SHD: variants seen among roughly 807,000 people sequenced by gnomAD.
SHD encodes SH2 domain-containing adapter protein D.
SHD carries 29 observed loss-of-function variants against 31.2 expected under a neutral mutation model. That is an observed-to-expected ratio of 0.93 (90% CI 0.69 to 1.27). The LOEUF (loss-of-function observed/expected upper bound fraction) is 1.27, where lower values mean the gene tolerates loss of function less well. SHD is among the 50% of genes most tolerant of loss of function. SHD has a pLI of 0.00. For missense variants in SHD, 520 were observed against 453.8 expected, an observed-to-expected ratio of 1.15 and a Z score of -1.33; for synonymous variants, 208 against 187.8, an observed-to-expected ratio of 1.11 and a Z score of -0.88.
At chr19:4,285,355 G>A (rs576779029) in intron 4 of SHD, among the ~76,000 whole-genome samples, 1 of 152,264 alleles carries the variant, frequency 6.6e-6, no homozygotes, top group African/African-American at 2.4e-5. Context: ...ACAGCTCCGT[G>A]CTGGGGTGGC....
chr19:4,290,644 C>A lies in SHD; in HGVS notation c.*11C>A. The A allele has an allele frequency of 6.3e-7, 1 of 1,579,554 alleles. No individual in the cohort carries two copies. Among genetic ancestry groups the A allele is most frequent in the Non-Finnish European group, 8.6e-7 (1 of 1,159,708 alleles). On this transcript the variant is annotated 3_prime_UTR_variant, in exon 6 of 6. Coordinates refer to ENST00000543264, the MANE Select transcript of SHD (RefSeq NM_020209.4). ...ACGCAGACCCCCTGACAGTGACCCT[C>A]GGCCCCCTTTTGAGTCCTCGGGCCC...
rs556908716 is a variant in SHD, at chr19:4,282,279, G to T, written c.298-591G>T. Reference sequence around the variant, plus strand: ...TACTAAAAATGCAAAAATTAGCCAGGTTTGGTGGCCGGCACCAGTAATTCC... The same window carrying T: ...TACTAAAAATGCAAAAATTAGCCAGTTTTGGTGGCCGGCACCAGTAATTCC... On this transcript the variant is annotated intron_variant, in intron 1 of 5. Transcript: ENST00000543264. Among the ~76,000 whole-genome samples the T allele has an allele frequency of 8.8e-3, 1,346 of 152,104 alleles. 20 individuals are homozygous for T. Among genetic ancestry groups the T allele is most frequent in the African/African-American group, 0.03 (1,252 of 41,508 alleles).
chr19:4,284,699 C>A (rs1278711834), intron 3 of SHD, 82 bp from the exon 4 acceptor site: 2 of 1,372,128 alleles, frequency 1.5e-6, no homozygotes, highest in Admixed American at 2.7e-5. Context: ...TGCCTTTCTA[C>A]CGAGATTCCA....
At position 4,290,703 on chromosome 19, in the gene SHD, A is replaced by C; in HGVS notation, c.*70A>C. 1 of 1,443,254 alleles carries C rather than the reference A, an allele frequency of 6.9e-7. No homozygotes were observed. Among genetic ancestry groups the C allele is most frequent in the South Asian group, 1.4e-5 (1 of 71,712 alleles). The allele number at this position is 1,443,254 out of a possible 1,614,324, so 89.4% of individuals were successfully genotyped here. On this transcript the variant is annotated 3_prime_UTR_variant, in exon 6 of 6. Transcript: ENST00000543264. ...ATCCCAAAGCCCTCCCATGGCCTAG[A>C]AAATAAATAAGTTATTGTTTGTCTT...
At chr19:4,286,256 T>C (rs1280121722) in intron 4 of SHD, among the ~76,000 whole-genome samples, 44 of 127,720 alleles carry the variant, frequency 3.4e-4, no homozygotes, top group East Asian at 8.5e-4. Context: ...TCTTTCTTTC[T>C]TTCTCTCTTT....
chr19:4,285,970 C>T (rs1971305833), intron 4 of SHD, among the ~76,000 whole-genome samples: 1 of 144,156 alleles, frequency 6.9e-6, no homozygotes, highest in African/African-American at 2.6e-5. Flanking sequence ...CAGCTCACTG[C>T]AACCTCCGCC....
chr19:4,288,075 T>A, intron 4 of SHD, 168 bp from the exon 5 acceptor site: 3 of 669,324 alleles, frequency 4.5e-6, no homozygotes, highest in Non-Finnish European at 6.6e-6. Flanking sequence ...CTAATTTTTT[T>A]TGTATTTTTA....
Position 4,286,284 on chromosome 19 carries a change from T to TCCTTCC in SHD, c.716+1380_716+1381insCCTTCC, listed in dbSNP as rs1568369475. Among the ~76,000 whole-genome samples the TCCTTCC allele has an allele frequency of 1.2e-3, 122 of 103,256 alleles. 1 individual carries two copies. Among genetic ancestry groups the TCCTTCC allele is most frequent in the African/African-American group, 3.3e-3 (84 of 25,308 alleles). 67.7% of individuals were successfully genotyped at this position (103,256 alleles called of 152,430 possible). A position where few individuals can be genotyped will look rare whatever the true frequency, so the allele number is the denominator to read the frequency against. On this transcript the variant is annotated intron_variant, in intron 4 of 5. Transcript: ENST00000543264. ...CTCTCTTTCTTTCTTTCTTTCTTTTTTTCTTTCCTTCCTTCCTTCCTTCCT... is the reference window on the plus strand; with the variant it reads ...CTCTCTTTCTTTCTTTCTTTCTTTTTCCTTCCTTCTTTCCTTCCTTCCTTCCTTCCT...
rs1971243754 is a variant in SHD, at chr19:4,280,255, G to C, written c.192G>C (p.Lys64Asn). 1.2e-6 allele frequency: 2 copies of C among 1,613,660 alleles called. No homozygotes were observed. Among genetic ancestry groups the C allele is most frequent in the Non-Finnish European group, 1.7e-6 (2 of 1,179,916 alleles). The change falls in exon 1 of 6, where the codon AAG becomes AAC. Residue 64 changes from lysine (K) to asparagine (N), a missense_variant. Coordinates refer to ENST00000543264, the MANE Select transcript of SHD (RefSeq NM_020209.4). ...ACCCCGCGGGCCCTGGGGACTCCAAGAACCCCGGAGATGCCAAGTATGGTT... is the reference window on the plus strand; with the variant it reads ...ACCCCGCGGGCCCTGGGGACTCCAACAACCCCGGAGATGCCAAGTATGGTT... Reference protein sequence around the residue: ...EPDPAGPGDSKNPGDAKYGSP... With the variant: ...EPDPAGPGDSNNPGDAKYGSP...
At chr19:4,286,861 A>G (rs1043765271) in intron 4 of SHD, among the ~76,000 whole-genome samples, 1 of 151,696 alleles carries the variant, frequency 6.6e-6, no homozygotes, top group African/African-American at 2.4e-5. Flanking sequence ...GCCTGGCGAC[A>G]GAGTGAGACT....
intron 3 of SHD, among the ~76,000 whole-genome samples, chr19:4,283,876 G>A (rs1481499353): frequency 6.6e-6 from 1 of 150,704 alleles, no homozygotes; most frequent in Non-Finnish European, 1.5e-5. Context: ...CCGCGCCCCC[G>A]CCCGGGGCAG....
At chr19:4,285,050 T>A in intron 4 of SHD, 146 bp downstream of exon 4, 1 of 1,061,268 alleles carries the variant, frequency 9.4e-7, no homozygotes, top group Non-Finnish European at 1.3e-6. Context: ...AGCTAATCTT[T>A]ACGGGCTCCA....
intron 5 of SHD, 91 bp from the exon 6 acceptor site, chr19:4,290,356 G>A (rs967497655): frequency 2.8e-6 from 4 of 1,408,460 alleles, no homozygotes; most frequent in African/African-American, 1.4e-5. Flanking sequence ...ACGAGCACCT[G>A]GCCTGGGCAC....
intron 4 of SHD, among the ~76,000 whole-genome samples, chr19:4,287,600 C>A (rs1260461118): frequency 6.6e-6 from 1 of 151,966 alleles, no homozygotes; most frequent in African/African-American, 2.4e-5. Flanking sequence ...GCCTGGCCAA[C>A]ATGGTGAAAC....
chr19:4,285,389 CTG>C (rs1568369102), intron 4 of SHD, among the ~76,000 whole-genome samples: 4 of 152,164 alleles, frequency 2.6e-5, no homozygotes, highest in African/African-American at 9.7e-5. Context: ...GACGCTGACT[CTG>C]TGTCCTTCCA....
intron 4 of SHD, among the ~76,000 whole-genome samples, chr19:4,287,066 G>C (rs1971327297): frequency 6.6e-6 from 1 of 152,004 alleles, no homozygotes; most frequent in African/African-American, 2.4e-5. Flanking sequence ...GGGCGCAGTG[G>C]CTCATGCCTG....
At chr19:4,285,842 C>G (rs1971303005) in intron 4 of SHD, among the ~76,000 whole-genome samples, 2 of 150,978 alleles carry the variant, frequency 1.3e-5, no homozygotes, top group Non-Finnish European at 2.9e-5. Flanking sequence ...GCCACCCCGC[C>G]CGGCCCTTCC....
intron 4 of SHD, 28 bp downstream of exon 4, chr19:4,284,932 GC>G: frequency 6.4e-7 from 1 of 1,571,020 alleles, no homozygotes. Context: ...AGGTGGAAGA[GC>G]CCCGTTGAAC....
At chr19:4,289,313 G>C (rs1284147400) in intron 5 of SHD, among the ~76,000 whole-genome samples, 3 of 150,134 alleles carry the variant, frequency 2.0e-5, no homozygotes, top group Non-Finnish European at 1.5e-5. Flanking sequence ...GGGTTTCACT[G>C]TGTTAGCCAG....
Sources: gnomAD v4.1 joint callset for allele counts (sites outside exome capture counted in the v4.1 genomes callset) on GRCh38, gnomAD v4.1.1 for gene constraint, MANE v1.5 for transcripts, NCBI Gene and HGNC (gene_info 2026-07-23, HGNC 2026-07-21) for gene names.